ARFGEF1: variants seen among roughly 807,000 people sequenced by gnomAD.
The protein encoded by ARFGEF1 is brefeldin A-inhibited guanine nucleotide-exchange protein 1.
In ARFGEF1, 42 loss-of-function variants were observed where a neutral mutation model predicts 231.0. That is an observed-to-expected ratio of 0.18 (90% CI 0.14 to 0.24). The LOEUF is 0.24. Among genes scored for constraint, ARFGEF1 ranks in the 10% least tolerant of loss-of-function variants. The probability of loss-of-function intolerance (pLI) is 1.00; values close to 1 mark genes in which losing one functional copy is unlikely to be tolerated. For missense variants in ARFGEF1, 1,345 were observed against 2,192.0 expected (o/e 0.61, Z 7.72); for synonymous variants, 710 against 732.3 (o/e 0.97, Z 0.49).
At chr8:67,267,035 A>G (rs1184349354) in intron 12 of ARFGEF1, 51 bp from the exon 13 acceptor site, 2 of 1,610,004 alleles carry the variant, frequency 1.2e-6, no homozygotes, top group Admixed American at 1.7e-5. Context: ...TTTAAGGAAA[A>G]CACATGACTC....
At chr8:67,239,899 C>G (rs902098153) in intron 20 of ARFGEF1, among the ~76,000 whole-genome samples, 1 of 151,976 alleles carries the variant, frequency 6.6e-6, no homozygotes, top group Non-Finnish European at 1.5e-5. Flanking sequence ...AATTCAAAGT[C>G]TTGAAAACTT....
intron 5 of ARFGEF1, among the ~76,000 whole-genome samples, chr8:67,181,187 C>A (rs576152505): frequency 6.6e-6 from 1 of 151,846 alleles, no homozygotes; most frequent in African/African-American, 2.4e-5. Context: ...ACAGCATGCA[C>A]CACGATACCT....
chr8:67,193,933 G>C (rs1464526334), downstream of ARFGEF1, among the ~76,000 whole-genome samples: 1 of 152,226 alleles, frequency 6.6e-6, no homozygotes, highest in Non-Finnish European at 1.5e-5. Flanking sequence ...AACATTATTA[G>C]AAATTAGCCT....
intron 1 of ARFGEF1, among the ~76,000 whole-genome samples, chr8:67,328,818 T>A (rs1440668216): frequency 1.3e-5 from 2 of 152,168 alleles, no homozygotes; most frequent in African/African-American, 4.8e-5. Context: ...CATAAATCAA[T>A]GCTGACAGAG....
intron 5 of ARFGEF1, among the ~76,000 whole-genome samples, chr8:67,181,748 A>G (rs987622757): frequency 2.0e-5 from 3 of 152,208 alleles, no homozygotes; most frequent in African/African-American, 2.4e-5. Flanking sequence ...AAGTATTTCT[A>G]TTGTGCAACC....
chr8:67,265,446 GGTGACATTCACA>G (rs1804812938), intron 14 of ARFGEF1, among the ~76,000 whole-genome samples: 2 of 152,086 alleles, frequency 1.3e-5, no homozygotes, highest in Admixed American at 1.3e-4. Context: ...AAGGCAGCAT[GGTGACATTCACA>G]AAGGAAATAG....
At chr8:67,339,740 G>A (rs1808517211) in intron 1 of ARFGEF1, among the ~76,000 whole-genome samples, 3 of 135,518 alleles carry the variant, frequency 2.2e-5, no homozygotes, top group Admixed American at 8.0e-5. Context: ...GCAACCTGGA[G>A]CTGTTCCTGG....
intron 33 of ARFGEF1, among the ~76,000 whole-genome samples, chr8:67,216,142 T>C (rs952697441): frequency 6.6e-6 from 1 of 152,204 alleles, no homozygotes; most frequent in Non-Finnish European, 1.5e-5. Context: ...AGTAAATTTA[T>C]ACCATCTTCT....
At chr8:67,299,496 A>C (rs1806383264) in intron 3 of ARFGEF1, 141 bp from the exon 4 acceptor site, 1 of 711,244 alleles carries the variant, frequency 1.4e-6, no homozygotes. Flanking sequence ...TATCAAAGCC[A>C]AAGCTATACC....
rs34297561 is a variant in ARFGEF1, at chr8:67,236,365, AATATATATATAT to A, written c.3289+1966_3289+1977del. 6.0e-3 allele frequency among the ~76,000 whole-genome samples: 175 copies of A among 28,938 alleles called. 1 individual carries two copies. The highest frequency in any genetic ancestry group is 0.015 in the East Asian group (12 of 812). 19.0% of individuals were successfully genotyped at this position (28,938 alleles called of 152,430 possible). ...GATATTAGTTAAAAAAAAAAAAAAA[AATATATATATAT>A]ATATATATATATATATATATATATA... On this transcript the variant is annotated intron_variant, in intron 22 of 38. Coordinates refer to ENST00000262215, the MANE Select transcript of ARFGEF1 (RefSeq NM_006421.5).
chr8:67,336,813 A>C (rs908999015), intron 1 of ARFGEF1, among the ~76,000 whole-genome samples: 1 of 152,120 alleles, frequency 6.6e-6, no homozygotes, highest in Non-Finnish European at 1.5e-5. Flanking sequence ...CATTTCTTTG[A>C]TAAAAAAACC....
At position 67,238,488 on chromosome 8, in the gene ARFGEF1, C is replaced by A; in HGVS notation, c.3144G>T (p.Leu1048=). 6.3e-7 allele frequency: 1 copy of A among 1,585,452 alleles called. No individual in the cohort carries two copies. Among genetic ancestry groups the A allele is most frequent in the Non-Finnish European group, 8.5e-7 (1 of 1,172,952 alleles). ...NYLGNSWHEI[L]KCISQLELAQ... Reference sequence around the variant, plus strand: ...CCAGCTCCAACTGACTGATGCACTTCAGAATCTTAATTACAAAAAGGAAAA... The same window carrying A: ...CCAGCTCCAACTGACTGATGCACTTAAGAATCTTAATTACAAAAAGGAAAA... The change falls in exon 22 of 39, where the codon CTG becomes CTT. Residue 1048 remains leucine, a synonymous_variant. Coordinates refer to ENST00000262215, the MANE Select transcript of ARFGEF1 (RefSeq NM_006421.5).
At position 67,291,894 on chromosome 8, in the gene ARFGEF1, C is replaced by A; in HGVS notation, c.869G>T (p.Ser290Ile). The A allele has an allele frequency of 6.2e-7, 1 of 1,613,906 alleles. No homozygotes were observed. The highest frequency in any genetic ancestry group is 1.1e-5 in the South Asian group (1 of 91,080). The change falls in exon 6 of 39, where the codon AGT (serine) becomes ATT (isoleucine). Residue 290 changes from serine to isoleucine, a missense_variant. Transcript: ENST00000262215. ...AGCTTCAGTCTGTTCATTTTCTGCA[C>A]TGGAAATATCAGATCCATTTTCAGG... ...TEPENGSDIS[S>I]AENEQTEADQ...
At chr8:67,335,721 A>G (rs1243809989) in intron 1 of ARFGEF1, among the ~76,000 whole-genome samples, 1 of 152,152 alleles carries the variant, frequency 6.6e-6, no homozygotes, top group Non-Finnish European at 1.5e-5. Context: ...AAGACACGCC[A>G]GTGGTAATAT....
intron 5 of ARFGEF1, among the ~76,000 whole-genome samples, chr8:67,294,735 G>A (rs1427165165): frequency 6.6e-6 from 1 of 152,176 alleles, no homozygotes; most frequent in Non-Finnish European, 1.5e-5. Context: ...ACATACAGGT[G>A]TAGGAATTGA....
At chr8:67,314,230 T>G (rs1003303391) in intron 1 of ARFGEF1, among the ~76,000 whole-genome samples, 5 of 152,318 alleles carry the variant, frequency 3.3e-5, no homozygotes, top group African/African-American at 1.2e-4. Context: ...GTTCTTTCCC[T>G]AACTGTGAAG....
At chr8:67,279,823 T>G (rs914240598) in intron 7 of ARFGEF1, among the ~76,000 whole-genome samples, 1 of 152,192 alleles carries the variant, frequency 6.6e-6, no homozygotes, top group Non-Finnish European at 1.5e-5. Context: ...TACAAGCACA[T>G]AAAATCATTT....
chr8:67,276,148 T>C (rs757458820), intron 8 of ARFGEF1, 39 bp from the exon 9 acceptor site: 5 of 1,608,098 alleles, frequency 3.1e-6, no homozygotes, highest in Non-Finnish European at 4.2e-6. Flanking sequence ...TTAGAGATAT[T>C]TGCCAGTGTA....
intron 5 of ARFGEF1, among the ~76,000 whole-genome samples, chr8:67,294,642 A>C (rs1301721605): frequency 6.6e-6 from 1 of 152,188 alleles, no homozygotes; most frequent in Non-Finnish European, 1.5e-5. Flanking sequence ...AAGGGAGAAG[A>C]CTGAAATGAA....
Sources: allele counts gnomAD v4.1 joint callset (sites outside exome capture counted in the v4.1 genomes callset), GRCh38; gene constraint gnomAD v4.1.1; transcripts MANE v1.5; gene names NCBI Gene and HGNC (gene_info 2026-07-23, HGNC 2026-07-21).